Variants in DYNC1H1 observed in about 807,000 individuals in gnomAD.
DYNC1H1 encodes dynein cytoplasmic 1 heavy chain 1.
In DYNC1H1, 51 loss-of-function variants were observed where a neutral mutation model predicts 527.1. That is an observed-to-expected ratio of 0.10 (90% CI 0.08 to 0.12). DYNC1H1 has a LOEUF of 0.12. DYNC1H1 is among the 10% of genes least tolerant of loss of function. The probability of loss-of-function intolerance (pLI) is 1.00; values close to 1 mark genes in which losing one functional copy is unlikely to be tolerated. For missense variants in DYNC1H1, 2,771 were observed against 5,971.8 expected (o/e 0.46, Z 17.66); for synonymous variants, 2,189 against 2,278.8 (o/e 0.96, Z 1.12).
In DYNC1H1 at chr14:102,020,110, AC is replaced by A. The variant is rs2048368474; in HGVS notation, c.8507+55del. 1 of 1,601,964 alleles carries A rather than the reference AC, an allele frequency of 6.2e-7. No homozygotes were observed. On this transcript the variant is annotated intron_variant, in intron 42 of 77. Transcript: ENST00000360184. The surrounding 1 kb of genome is among the most constrained non-coding windows in gnomAD (Gnocchi z 4.3). ...CCATTCTCCCCTGCTCTGAGTTCTT[AC>A]AGCTGTCGAAGCTGGGGTCTTTGCA...
chr14:101,998,198 ACGCC>A, intron 16 of DYNC1H1, among the ~76,000 whole-genome samples: 1 of 149,490 alleles, frequency 6.7e-6, no homozygotes, highest in African/African-American at 2.5e-5. Flanking sequence ...GATAACACAA[ACGCC>A]TGGACCCCTC....
At chr14:102,000,441 GT>G in intron 18 of DYNC1H1, 42 bp downstream of exon 18, 1 of 1,590,490 alleles carries the variant, frequency 6.3e-7, no homozygotes, top group Non-Finnish European at 8.6e-7. Flanking sequence ...TATTTTAACA[GT>G]TACAGACTTT....
Position 102,018,531 on chromosome 14 carries a change from G to T in DYNC1H1, c.8258G>T (p.Arg2753Leu). ...ACACAGATCTACGGCACCTTCAACCGCGCCATGCTGAGGCTCATTCCATCC... is the reference window on the plus strand; with the variant it reads ...ACACAGATCTACGGCACCTTCAACCTCGCCATGCTGAGGCTCATTCCATCC... ...SLTQIYGTFN[R>L]AMLRLIPSLR... Residue 2753 changes from arginine to leucine, a missense_variant, in exon 41 of 78, where the codon CGC (arginine) becomes CTC (leucine). Physicochemically the swap from Arg to Leu is moderately radical, Grantham distance 102 (BLOSUM62 -2). This residue lies in a region of DYNC1H1 where 163 missense variants were observed against 346.9 expected (regional missense o/e 0.47). Coordinates refer to ENST00000360184, the MANE Select transcript of DYNC1H1 (RefSeq NM_001376.5). This position sits in a 1 kb window ranked among gnomAD's most constrained non-coding sequence, Gnocchi z 5.2. The T allele has an allele frequency of 6.2e-7, 1 of 1,614,058 alleles. No individual in the cohort carries two copies. Among genetic ancestry groups the T allele is most frequent in the South Asian group, 1.1e-5 (1 of 91,082 alleles).
At position 102,017,822 on chromosome 14, in the gene DYNC1H1, T is replaced by TAA. The variant is rs10657093; in HGVS notation, c.8177+319_8177+320dup. 63,285 of 372,966 alleles carry TAA rather than the reference T, an allele frequency of 0.17. 7,153 individuals carry two copies. The highest frequency in any genetic ancestry group is 0.4 in the African/African-American group (18,254 of 45,832). The allele number at this position is 372,966 out of a possible 1,614,324, so 23.1% of individuals were successfully genotyped here. A position where few individuals can be genotyped will look rare whatever the true frequency, so the allele number is the denominator to read the frequency against. On this transcript the variant is annotated intron_variant, in intron 40 of 77. Coordinates refer to ENST00000360184, the MANE Select transcript of DYNC1H1 (RefSeq NM_001376.5). This position sits in a 1 kb window ranked among gnomAD's most constrained non-coding sequence, Gnocchi z 4.6. ...TCTACTGAAAATACAAAAACAAAAT[T>TAA]AAGGCCGGGCGTGGTGGCTTACGCC... is the stretch of plus-strand genomic sequence containing the variant.
intron 9 of DYNC1H1, 63 bp from the exon 10 acceptor site, chr14:101,988,640 T>G (rs2047962660): frequency 1.9e-6 from 3 of 1,610,268 alleles, no homozygotes; most frequent in Non-Finnish European, 1.7e-6. Flanking sequence ...ACTTTCTGAT[T>G]GACTTGCTTT....
At chr14:101,972,610 C>T (rs1290578406) in intron 1 of DYNC1H1, among the ~76,000 whole-genome samples, 1 of 152,174 alleles carries the variant, frequency 6.6e-6, no homozygotes, top group Non-Finnish European at 1.5e-5. Context: ...ACCTAGTTCC[C>T]CTAACCCGGT....
chr14:101,993,721 C>G (rs1051914655), intron 11 of DYNC1H1, among the ~76,000 whole-genome samples: 1 of 152,172 alleles, frequency 6.6e-6, no homozygotes, highest in Admixed American at 6.6e-5. Context: ...GCAGCCTTCC[C>G]CATGCTGTGC....
At chr14:102,040,847 T>C in intron 64 of DYNC1H1, 174 bp downstream of exon 64, 1 of 743,316 alleles carries the variant, frequency 1.3e-6, no homozygotes, top group Non-Finnish European at 2.3e-6. Context: ...TAGTCCCATC[T>C]ACTCGGGAGG....
rs202121407 is a variant in DYNC1H1, at chr14:101,995,048, G to A, written c.3396G>A (p.Gly1132=). Residue 1132 remains glycine (G), a synonymous_variant, in exon 14 of 78, where the codon GGG becomes GGA. Coordinates refer to ENST00000360184, the MANE Select transcript of DYNC1H1 (RefSeq NM_001376.5). ...SWHKEVLSKF[G]QMLGSNMTEF... ...ATAAGGAGGTTCTTAGCAAATTTGG[G>A]CAGATGCTAGGATCAAACATGACGG... 5 of 1,614,050 alleles carry A rather than the reference G, an allele frequency of 3.1e-6. No homozygotes were observed. Among genetic ancestry groups the A allele is most frequent in the African/African-American group, 1.3e-5 (1 of 74,926 alleles).
In DYNC1H1 at chr14:101,979,631, G is replaced by A. The variant is rs146075054; in HGVS notation, c.519-88G>A. On this transcript the variant is annotated intron_variant, in intron 3 of 77. Coordinates refer to ENST00000360184, the MANE Select transcript of DYNC1H1 (RefSeq NM_001376.5). The surrounding 1 kb of genome is among the most constrained non-coding windows in gnomAD (Gnocchi z 4.6). The stretch of plus-strand genomic sequence containing the variant: ...ACCCTGTGTATTAATAAATATGTGT[G>A]TCATTACTATTTGACAGACCTGAAA... 17 of 1,608,304 alleles carry A rather than the reference G, an allele frequency of 1.1e-5. No homozygotes were observed. In the African/African-American group the frequency reaches 2.0e-4, roughly 19 times the overall value.
At chr14:101,967,888 A>G (rs2047685304) in intron 1 of DYNC1H1, among the ~76,000 whole-genome samples, 2 of 152,232 alleles carry the variant, frequency 1.3e-5, no homozygotes. Flanking sequence ...TTAACAACTC[A>G]TCTTGATACT....
chr14:102,032,438 C>T lies in DYNC1H1; in HGVS notation c.10050C>T (p.Thr3350=). Residue 3350 remains threonine, a synonymous_variant, in exon 52 of 78, where the codon ACC becomes ACT. Coordinates refer to ENST00000360184, the MANE Select transcript of DYNC1H1 (RefSeq NM_001376.5). ...TCATGCGGGAGAACTTCATCCCCAC[C>T]ATCGTCAACTTCTCTGCAGAGGAGA... ...SIIMRENFIP[T]IVNFSAEEIS... 6.2e-7 allele frequency: 1 copy of T among 1,614,198 alleles called. No individual in the cohort carries two copies. The highest frequency in any genetic ancestry group is 2.2e-5 in the East Asian group (1 of 44,892).
Position 101,983,393 on chromosome 14 carries a change from A to C in DYNC1H1, c.1245A>C (p.Ala415=). ...AYEEFEKVMV[A]CFEVFQTWDD... Reference sequence around the variant, plus strand: ...AAATTATATCCTAGGTTATGGTAGCATGCTTTGAAGTTTTTCAGACTTGGG... The same window carrying C: ...AAATTATATCCTAGGTTATGGTAGCCTGCTTTGAAGTTTTTCAGACTTGGG... Residue 415 remains alanine, a synonymous_variant, in exon 7 of 78, where the codon GCA becomes GCC. Transcript: ENST00000360184. This position sits in a 1 kb window ranked among gnomAD's most constrained non-coding sequence, Gnocchi z 5.3. 2 of 1,614,214 alleles carry C rather than the reference A, an allele frequency of 1.2e-6. No homozygotes were observed. Among genetic ancestry groups the C allele is most frequent in the Non-Finnish European group, 1.7e-6 (2 of 1,180,032 alleles).
In DYNC1H1 at chr14:102,002,097, C is replaced by T. The variant is rs1326989653; in HGVS notation, c.4542+416C>T. Among the ~76,000 whole-genome samples the T allele has an allele frequency of 6.7e-6, 1 of 150,070 alleles. No homozygotes were observed. The highest frequency in any genetic ancestry group is 2.5e-5 in the African/African-American group (1 of 40,728). On this transcript the variant is annotated intron_variant, in intron 21 of 77. Coordinates refer to ENST00000360184, the MANE Select transcript of DYNC1H1 (RefSeq NM_001376.5). This position sits in a 1 kb window ranked among gnomAD's most constrained non-coding sequence, Gnocchi z 4.4. Reference sequence around the variant, plus strand: ...CAATACTTGTTTTTTTGTTTGTTTGCTTGCTTTTTTGTTTTTTTTTTTTCT... The same window carrying T: ...CAATACTTGTTTTTTTGTTTGTTTGTTTGCTTTTTTGTTTTTTTTTTTTCT...
chr14:102,052,269 G>A lies in DYNC1H1; in HGVS notation c.*1706G>A, dbSNP rs1233871884. 1 of 152,488 alleles carries A rather than the reference G, an allele frequency of 6.6e-6. No individual in the cohort carries two copies. The highest frequency in any genetic ancestry group is 1.5e-5 in the Non-Finnish European group (1 of 68,340). The allele number at this position is 152,488 out of a possible 1,614,324, so 9.4% of individuals were successfully genotyped here. On this transcript the variant is annotated 3_prime_UTR_variant, in exon 78 of 78. Transcript: ENST00000360184. ...CCACCTCAGCCTTCTGAGCAGCTGG[G>A]ACCACAGACACACACCACCATGTCG...
rs202230950 is a variant in DYNC1H1 at position 102,039,611 on chromosome 14, C to G, written c.11596-27C>G. The stretch of plus-strand genomic sequence containing the variant: ...GCAGGGTGCTGCTTCTCTTATGGAA[C>G]AACATCGTCTCCTGCTCTTGTCCCA... On this transcript the variant is annotated intron_variant, in intron 61 of 77. Transcript: ENST00000360184. This position sits in a 1 kb window ranked among gnomAD's most constrained non-coding sequence, Gnocchi z 7.0. 674 of 1,614,172 alleles carry G rather than the reference C, an allele frequency of 4.2e-4. 9 individuals are homozygous for G. In the South Asian group the frequency reaches 7.0e-3, roughly 17 times the overall value.
In DYNC1H1 at chr14:102,019,873, C is replaced by A; in HGVS notation, c.8344-20C>A. Reference sequence around the variant, plus strand: ...TCTTAAGATATTTACGTGTACCTTCCATTTTTCTCATTGCCATAGGAGAGA... The same window carrying A: ...TCTTAAGATATTTACGTGTACCTTCAATTTTTCTCATTGCCATAGGAGAGA... On this transcript the variant is annotated intron_variant, in intron 41 of 77. Transcript: ENST00000360184. 6.2e-7 allele frequency: 1 copy of A among 1,614,080 alleles called. No individual in the cohort carries two copies. Among genetic ancestry groups the A allele is most frequent in the Non-Finnish European group, 8.5e-7 (1 of 1,179,960 alleles).
intron 69 of DYNC1H1, chr14:102,043,582 C>T (rs2048678877): frequency 4.5e-6 from 2 of 445,280 alleles, no homozygotes; most frequent in Non-Finnish European, 8.3e-6. Flanking sequence ...GGGTTTCGTT[C>T]TGTCAATTCT....
intron 1 of DYNC1H1, among the ~76,000 whole-genome samples, chr14:101,973,407 G>A (rs953905889): frequency 1.1e-4 from 17 of 151,946 alleles, no homozygotes; most frequent in African/African-American, 3.4e-4. Flanking sequence ...TGATCTGCCC[G>A]CCTCGGCCTC....
Sources: allele counts gnomAD v4.1 joint callset (sites outside exome capture counted in the v4.1 genomes callset), GRCh38; gene constraint gnomAD v4.1.1; regional missense constraint gnomAD v4.1.1; non-coding constraint Gnocchi (gnomAD v3.1); transcripts MANE v1.5; gene names NCBI Gene and HGNC (gene_info 2026-07-23, HGNC 2026-07-21).